SCAND3: variants seen among roughly 807,000 people sequenced by gnomAD.
SCAND3 encodes the protein SCAN domain-containing protein 3.
At chr6:28,579,184 G>T in the SCAND3 span, 1 of 1,215,266 alleles carries the variant, frequency 8.2e-7, no homozygotes, top group Non-Finnish European at 1.2e-6. The surrounding 1 kb of genome is among the most constrained non-coding windows in gnomAD (Gnocchi z 4.5). Context: ...AGTAGAAGCT[G>T]AAATGGAATG....
At chr6:28,572,170 A>C in the SCAND3 span, 10 of 1,613,976 alleles carry the variant, frequency 6.2e-6, no homozygotes, top group South Asian at 1.1e-5. This position sits in a 1 kb window ranked among gnomAD's most constrained non-coding sequence, Gnocchi z 4.1. Flanking sequence ...TGTATTTTCA[A>C]AACTGATTTT....
the SCAND3 span, among the ~76,000 whole-genome samples, chr6:28,581,799 G>C: frequency 3.3e-5 from 5 of 152,160 alleles, no homozygotes; most frequent in African/African-American, 1.2e-4. Flanking sequence ...GTTAACTCTA[G>C]AACAAGGAAG....
chr6:28,574,752 G>A, the SCAND3 span: 1 of 1,613,994 alleles, frequency 6.2e-7, no homozygotes, highest in Admixed American at 1.7e-5. Flanking sequence ...TCTTCATTGT[G>A]CTGGTTTCAT....
At chr6:28,600,899 CTTT>C in the SCAND3 span, among the ~76,000 whole-genome samples, 1 of 119,664 alleles carries the variant, frequency 8.4e-6, no homozygotes, top group Admixed American at 8.8e-5. Flanking sequence ...CAACATGTGC[CTTT>C]TTTTTTTTTT....
At chr6:28,613,390 CA>C in the SCAND3 span, among the ~76,000 whole-genome samples, 2 of 152,192 alleles carry the variant, frequency 1.3e-5, no homozygotes, top group Admixed American at 6.5e-5. Context: ...ATACATCAAG[CA>C]CTTCTAAATA....
At chr6:28,581,905 C>T in the SCAND3 span, among the ~76,000 whole-genome samples, 1 of 152,306 alleles carries the variant, frequency 6.6e-6, no homozygotes, top group Admixed American at 6.5e-5. Context: ...GGGTTGGCAG[C>T]TAAAAGTGTC....
At chr6:28,598,876 CAAAAAAA>C in the SCAND3 span, among the ~76,000 whole-genome samples, 5 of 74,318 alleles carry the variant, frequency 6.7e-5, no homozygotes, top group Admixed American at 1.6e-4. Context: ...GACTATGTCT[CAAAAAAA>C]AAAAAAAAAA....
the SCAND3 span, chr6:28,586,858 TCA>T: frequency 1.5e-6 from 1 of 675,044 alleles, no homozygotes; most frequent in South Asian, 2.0e-5. This position sits in a 1 kb window ranked among gnomAD's most constrained non-coding sequence, Gnocchi z 4.4. Flanking sequence ...AACTACAGAC[TCA>T]GTTTAAAAGG....
the SCAND3 span, among the ~76,000 whole-genome samples, chr6:28,615,336 G>C: frequency 6.6e-6 from 1 of 152,032 alleles, no homozygotes; most frequent in South Asian, 2.1e-4. Flanking sequence ...AGACATTTCC[G>C]GGAGCAGTGG....
chr6:28,575,774 G>A, the SCAND3 span: 2 of 1,614,044 alleles, frequency 1.2e-6, no homozygotes, highest in Non-Finnish European at 1.7e-6. This position sits in a 1 kb window ranked among gnomAD's most constrained non-coding sequence, Gnocchi z 4.2. Context: ...GTATTATGCA[G>A]AATGTCAAAT....
the SCAND3 span, chr6:28,572,031 A>C: frequency 6.2e-7 from 1 of 1,614,058 alleles, no homozygotes; most frequent in Admixed American, 1.7e-5. The surrounding 1 kb of genome is among the most constrained non-coding windows in gnomAD (Gnocchi z 4.1). Context: ...TTGTTTTAAT[A>C]ACACTTAAAG....
the SCAND3 span, among the ~76,000 whole-genome samples, chr6:28,605,195 T>C: frequency 3.3e-5 from 5 of 152,326 alleles, no homozygotes; most frequent in African/African-American, 1.2e-4. Flanking sequence ...TCCCAGGAAC[T>C]TTAGGCAGAG....
chr6:28,605,678 CA>C, the SCAND3 span, among the ~76,000 whole-genome samples: 4,592 of 119,642 alleles, frequency 0.038, 225 homozygotes, highest in African/African-American at 0.13. Context: ...CTAAAAAATA[CA>C]AAAAAAAAAA....
At chr6:28,606,556 C>T in the SCAND3 span, among the ~76,000 whole-genome samples, 1 of 152,170 alleles carries the variant, frequency 6.6e-6, no homozygotes, top group Non-Finnish European at 1.5e-5. Context: ...TTTGGCTTAG[C>T]AGGGGACCCT....
At chr6:28,584,620 T>C in the SCAND3 span, among the ~76,000 whole-genome samples, 2 of 152,252 alleles carry the variant, frequency 1.3e-5, no homozygotes, top group Admixed American at 1.3e-4. Flanking sequence ...CTTCCAGTCC[T>C]GCTTACTCCA....
the SCAND3 span, among the ~76,000 whole-genome samples, chr6:28,592,159 C>A: frequency 6.6e-6 from 1 of 152,178 alleles, no homozygotes. The surrounding 1 kb of genome is among the most constrained non-coding windows in gnomAD (Gnocchi z 4.1). Context: ...TTGAAATTAA[C>A]TCCATTTGCT....
chr6:28,572,863 T>C, the SCAND3 span: 1 of 1,613,962 alleles, frequency 6.2e-7, no homozygotes. The surrounding 1 kb of genome is among the most constrained non-coding windows in gnomAD (Gnocchi z 4.1). Context: ...TGATATTTTT[T>C]TCATGGCAAG....
At chr6:28,609,962 A>T in the SCAND3 span, among the ~76,000 whole-genome samples, 1 of 152,202 alleles carries the variant, frequency 6.6e-6, no homozygotes, top group African/African-American at 2.4e-5. Flanking sequence ...AAGTTGGCAC[A>T]TGCCTGGAAT....
the SCAND3 span, chr6:28,586,855 G>T: frequency 1.5e-6 from 1 of 681,154 alleles, no homozygotes; most frequent in Non-Finnish European, 2.4e-6. This position sits in a 1 kb window ranked among gnomAD's most constrained non-coding sequence, Gnocchi z 4.4. Flanking sequence ...GACAACTACA[G>T]ACTCAGTTTA....
Sources: allele counts gnomAD v4.1 joint callset (sites outside exome capture counted in the v4.1 genomes callset), GRCh38; gene constraint gnomAD v4.1.1; non-coding constraint Gnocchi (gnomAD v3.1); transcripts MANE v1.5; gene names NCBI Gene and HGNC (gene_info 2026-07-23, HGNC 2026-07-21).